The following STARD13 variants were observed in gnomAD, a reference collection of about 807,000 sequenced individuals.
STARD13 encodes the protein StAR related lipid transfer domain containing 13.
STARD13 carries 62 observed loss-of-function variants against 106.4 expected under a neutral mutation model. The ratio of observed to expected loss-of-function variants is 0.58; its 90% CI spans 0.48 to 0.72. STARD13 has a LOEUF of 0.72. Ranked by LOEUF, STARD13 falls within the 30% of genes least tolerant of loss-of-function variation. STARD13 has a pLI of 0.00. For missense variants in STARD13, 1,387 were observed against 1,424.0 expected (o/e 0.97, Z 0.42); for synonymous variants, 565 against 553.0 (o/e 1.02, Z -0.31).
chr13:33,242,388 C>T (rs1265236798), intron 1 of STARD13, among the ~76,000 whole-genome samples: 1 of 152,192 alleles, frequency 6.6e-6, no homozygotes, highest in East Asian at 1.9e-4. Flanking sequence ...TAGGAGACTC[C>T]ATTTTGTTCT....
chr13:33,220,219 G>A (rs546799927), intron 1 of STARD13, among the ~76,000 whole-genome samples: 52 of 151,732 alleles, frequency 3.4e-4, no homozygotes, highest in Non-Finnish European at 6.8e-4. Context: ...CAAACTGAAT[G>A]GCTAGAAAAC....
chr13:33,163,420 T>A (rs1407567188), intron 3 of STARD13, among the ~76,000 whole-genome samples: 2 of 151,374 alleles, frequency 1.3e-5, no homozygotes, highest in African/African-American at 4.9e-5. Context: ...TGAAACCCCA[T>A]CTCTGCTAAA....
the STARD13 span, among the ~76,000 whole-genome samples, chr13:33,477,920 G>A: frequency 6.6e-6 from 1 of 151,324 alleles, no homozygotes; most frequent in Non-Finnish European, 1.5e-5. Context: ...AGGCTTCCCA[G>A]ATTGTTAAGG....
chr13:33,354,016 T>A (rs1345885805), upstream of STARD13, among the ~76,000 whole-genome samples: 2 of 152,194 alleles, frequency 1.3e-5, no homozygotes, highest in East Asian at 1.9e-4. Flanking sequence ...CGGATGGGTA[T>A]CTCCAAAACT....
At chr13:33,514,044 T>C in the STARD13 span, among the ~76,000 whole-genome samples, 40 of 152,316 alleles carry the variant, frequency 2.6e-4, no homozygotes, top group African/African-American at 8.7e-4. Context: ...CTGTAGCTTG[T>C]AATTAACTAA....
chr13:33,418,510 G>C, the STARD13 span, among the ~76,000 whole-genome samples: 1 of 152,236 alleles, frequency 6.6e-6, no homozygotes, highest in Non-Finnish European at 1.5e-5. Flanking sequence ...TCTGTGGGCA[G>C]GGCATAGCTG....
At chr13:33,457,080 G>A in the STARD13 span, among the ~76,000 whole-genome samples, 1 of 152,218 alleles carries the variant, frequency 6.6e-6, no homozygotes, top group Admixed American at 6.5e-5. Context: ...TTTCCCCAGT[G>A]CATTTCCACC....
rs115372845 is a variant in STARD13, at chr13:33,320,932, T to A, written c.124+29358A>T. Among the ~76,000 whole-genome samples, 719 of 152,360 alleles carry A rather than the reference T, an allele frequency of 4.7e-3. 6 individuals carry two copies. The highest frequency in any genetic ancestry group is 0.016 in the African/African-American group (676 of 41,572). ...AAACACAAGCTCGTTCTTTCACTAT[T>A]AACATATCATTGAAGGTTAGCCATG... On this transcript the variant is annotated intron_variant, in intron 1 of 5. Transcript: ENST00000567873.
At chr13:33,279,701 GGTTAAA>G (rs1217733848) in intron 1 of STARD13, 2 of 152,126 alleles carry the variant, frequency 1.3e-5, no homozygotes, top group Non-Finnish European at 2.9e-5. Flanking sequence ...CCTACAATTT[GGTTAAA>G]GTTAAACTCT....
At chr13:33,135,013 T>C (rs902828047) in intron 4 of STARD13, among the ~76,000 whole-genome samples, 2 of 152,218 alleles carry the variant, frequency 1.3e-5, no homozygotes, top group African/African-American at 4.8e-5. Flanking sequence ...AAAAGGTCAG[T>C]GCCCATTGCA....
At chr13:33,196,421 T>A (rs1566066531) in intron 1 of STARD13, among the ~76,000 whole-genome samples, 1 of 152,098 alleles carries the variant, frequency 6.6e-6, no homozygotes. Flanking sequence ...AATAAATATT[T>A]TTAAAGAAAC....
chr13:33,624,154 T>C, the STARD13 span, among the ~76,000 whole-genome samples: 3 of 152,250 alleles, frequency 2.0e-5, no homozygotes, highest in Admixed American at 6.5e-5. Flanking sequence ...AGAATATTCA[T>C]AGCTACTTTA....
the STARD13 span, among the ~76,000 whole-genome samples, chr13:33,356,451 C>G: frequency 6.6e-6 from 1 of 152,292 alleles, no homozygotes; most frequent in African/African-American, 2.4e-5. Flanking sequence ...CCCCAGCTCC[C>G]ATAGGCAGTA....
At chr13:33,273,890 A>AT (rs1376693873) in intron 1 of STARD13, 1 of 152,164 alleles carries the variant, frequency 6.6e-6, no homozygotes, top group Non-Finnish European at 1.5e-5. Flanking sequence ...GAGAGTTGAA[A>AT]TTTTTTTAAA....
the STARD13 span, among the ~76,000 whole-genome samples, chr13:33,646,002 C>T: frequency 1.8e-5 from 2 of 111,338 alleles, no homozygotes; most frequent in South Asian, 2.2e-4. Context: ...AAGGGACACA[C>T]GGACACAGGC....
intron 1 of STARD13, among the ~76,000 whole-genome samples, chr13:33,223,446 G>A (rs1303337002): frequency 6.6e-6 from 1 of 152,142 alleles, no homozygotes; most frequent in Non-Finnish European, 1.5e-5. Context: ...ATCACCTGAT[G>A]TCAGGAGTTC....
chr13:33,542,468 T>C, the STARD13 span, among the ~76,000 whole-genome samples: 3 of 152,250 alleles, frequency 2.0e-5, no homozygotes, highest in Non-Finnish European at 4.4e-5. Context: ...ATTTCCGCCT[T>C]GCCTGCCTAG....
At chr13:33,491,342 T>C in the STARD13 span, among the ~76,000 whole-genome samples, 9 of 152,224 alleles carry the variant, frequency 5.9e-5, no homozygotes, top group African/African-American at 2.2e-4. Flanking sequence ...GATGATTTGA[T>C]TGTCTAAGAT....
At chr13:33,219,739 G>T (rs1448077250) in intron 1 of STARD13, among the ~76,000 whole-genome samples, 1 of 144,900 alleles carries the variant, frequency 6.9e-6, no homozygotes, top group African/African-American at 2.5e-5. Flanking sequence ...GGAGTTCAAG[G>T]TTGCAGTGAG....
Sources: allele counts gnomAD v4.1 joint callset (sites outside exome capture counted in the v4.1 genomes callset), GRCh38; gene constraint gnomAD v4.1.1; transcripts MANE v1.5; gene names NCBI Gene and HGNC (gene_info 2026-07-23, HGNC 2026-07-21).